GPC3: variants seen among roughly 807,000 people sequenced by gnomAD.
The protein encoded by GPC3 is glypican 3.
A neutral mutation model predicts 34.4 loss-of-function variants in GPC3; 3 were observed. The observed-to-expected ratio is 0.09, with a 90% CI of 0.04 to 0.23. The LOEUF (loss-of-function observed/expected upper bound fraction) is 0.23. Among genes scored for constraint, GPC3 ranks in the 10% least tolerant of loss-of-function variants. GPC3 has a pLI of 1.00. For synonymous variants in GPC3, 177 were observed against 174.0 expected (o/e 1.02, Z -0.13); for missense variants, 351 against 445.6 (o/e 0.79, Z 1.91).
At chrX:133,716,775 A>G (rs2071317907) in intron 3 of GPC3, among the ~76,000 whole-genome samples, 1 of 111,615 alleles carries the variant, frequency 9.0e-6, no homozygotes, top group Non-Finnish European at 1.9e-5. Flanking sequence ...TGAAGAAATA[A>G]TGGCTAAAAG....
chrX:133,842,421 A>C (rs114406082), intron 2 of GPC3, among the ~76,000 whole-genome samples: 1 of 106,048 alleles, frequency 9.4e-6, no homozygotes, highest in Non-Finnish European at 1.9e-5. Flanking sequence ...AATACATTAT[A>C]TATGTATACA....
chrX:133,860,495 T>C (rs905539107), intron 2 of GPC3, among the ~76,000 whole-genome samples: 2 of 111,991 alleles, frequency 1.8e-5, no homozygotes, highest in African/African-American at 6.5e-5. Flanking sequence ...TAGCATTTAA[T>C]GAGTGCTTAC....
intron 6 of GPC3, among the ~76,000 whole-genome samples, chrX:133,612,979 G>A (rs1206420038): frequency 9.0e-6 from 1 of 111,701 alleles, no homozygotes; most frequent in African/African-American, 3.3e-5. Flanking sequence ...TTTGGTGTAG[G>A]TGGGATGTTT....
chrX:133,592,285 C>T (rs1192298707), intron 7 of GPC3, among the ~76,000 whole-genome samples: 1 of 70,323 alleles, frequency 1.4e-5, no homozygotes, highest in Non-Finnish European at 2.6e-5. Context: ...TCCCCCCTCC[C>T]CCCACCCCAG....
At chrX:133,721,479 TAA>T (rs1603233048) in intron 3 of GPC3, among the ~76,000 whole-genome samples, 2 of 111,286 alleles carry the variant, frequency 1.8e-5, no homozygotes, top group African/African-American at 6.5e-5. Flanking sequence ...GATTCATAAA[TAA>T]AGAGGCTGAA....
chrX:133,913,743 A>T (rs1041435908), intron 2 of GPC3, among the ~76,000 whole-genome samples: 1 of 111,292 alleles, frequency 9.0e-6, no homozygotes, highest in East Asian at 2.8e-4. Context: ...AGATAAAGCC[A>T]CTCTATTCTA....
chrX:133,670,523 A>G (rs903201345), intron 5 of GPC3, among the ~76,000 whole-genome samples: 1 of 111,893 alleles, frequency 8.9e-6, no homozygotes, highest in African/African-American at 3.3e-5. Flanking sequence ...ATTTGATTTC[A>G]CAAAAGTTTA....
intron 3 of GPC3, among the ~76,000 whole-genome samples, chrX:133,709,396 G>A: frequency 9.0e-6 from 1 of 110,610 alleles, no homozygotes. Flanking sequence ...GAGTTGGGTG[G>A]GAATTTCAGT....
chrX:133,738,233 G>A (rs1375665548), intron 3 of GPC3, among the ~76,000 whole-genome samples: 1 of 112,066 alleles, frequency 8.9e-6, no homozygotes, highest in Non-Finnish European at 1.9e-5. Context: ...CAAAGTGCTG[G>A]GATTACAGGC....
intron 3 of GPC3, among the ~76,000 whole-genome samples, chrX:133,702,579 GT>G (rs1746571880): frequency 9.0e-6 from 1 of 111,328 alleles, no homozygotes. Flanking sequence ...AGACTTTAAA[GT>G]TTTTAACCCC....
chrX:133,654,967 T>G (rs1281874221), intron 6 of GPC3, among the ~76,000 whole-genome samples: 1 of 111,621 alleles, frequency 9.0e-6, no homozygotes, highest in African/African-American at 3.3e-5. Flanking sequence ...TGTATTTCCC[T>G]CCATTGCTCA....
In GPC3 at chrX:133,567,479, C is replaced by T. The variant is rs540566959; in HGVS notation, c.1573+28961G>A. On this transcript the variant is annotated intron_variant, in intron 7 of 7. Coordinates refer to ENST00000370818, the MANE Select transcript of GPC3 (RefSeq NM_004484.4). ...TCCTATGAAGGACAAAACTCATATC[C>T]CCCTTGGCAGTGAAACCAATGGCCT... Among the ~76,000 whole-genome samples the T allele has an allele frequency of 3.0e-4, 34 of 111,973 alleles. No homozygotes were observed. The South Asian group carries it at 0.013, about 41-fold the overall frequency.
chrX:133,764,066 T>C (rs766373710), intron 2 of GPC3, among the ~76,000 whole-genome samples: 2 of 112,272 alleles, frequency 1.8e-5, no homozygotes, highest in East Asian at 2.8e-4. Flanking sequence ...GTGGTAGATA[T>C]ATACCATGGA....
intron 1 of GPC3, among the ~76,000 whole-genome samples, chrX:133,961,829 T>C (rs2076442851): frequency 8.9e-6 from 1 of 111,943 alleles, no homozygotes; most frequent in Non-Finnish European, 1.9e-5. Context: ...CTCCTTTCCA[T>C]TGCTCCCTCA....
chrX:133,817,805 T>A (rs2075699662), intron 2 of GPC3, among the ~76,000 whole-genome samples: 1 of 107,778 alleles, frequency 9.3e-6, no homozygotes, highest in African/African-American at 3.4e-5. Context: ...TTCTCAAAAA[T>A]TATAATGCAA....
chrX:133,542,441 C>A (rs1349742201), intron 7 of GPC3, among the ~76,000 whole-genome samples: 1 of 111,254 alleles, frequency 9.0e-6, no homozygotes, highest in Non-Finnish European at 1.9e-5. Flanking sequence ...GAAGCAAATG[C>A]TCACCCTCTG....
chrX:133,900,857 T>C (rs1603268733), intron 2 of GPC3, among the ~76,000 whole-genome samples: 2 of 111,901 alleles, frequency 1.8e-5, no homozygotes, highest in South Asian at 3.8e-4. Flanking sequence ...AAACTACTGA[T>C]ACCAAAGGGT....
chrX:133,827,892 C>T (rs1244324573), intron 2 of GPC3, among the ~76,000 whole-genome samples: 7 of 94,711 alleles, frequency 7.4e-5, no homozygotes, highest in African/African-American at 1.2e-4. Flanking sequence ...TTGCAGTGAC[C>T]GAGATCATGC....
intron 2 of GPC3, among the ~76,000 whole-genome samples, chrX:133,879,499 C>CA (rs2076032031): frequency 9.0e-6 from 1 of 110,592 alleles, no homozygotes; most frequent in Non-Finnish European, 1.9e-5. Flanking sequence ...CAGTATATAC[C>CA]AAAAAAACAA....
Sources: gnomAD v4.1 joint callset for allele counts (sites outside exome capture counted in the v4.1 genomes callset) on GRCh38, gnomAD v4.1.1 for gene constraint, MANE v1.5 for transcripts, NCBI Gene and HGNC (gene_info 2026-07-23, HGNC 2026-07-21) for gene names.